The following NELL2 variants were observed in gnomAD, a reference collection of about 807,000 sequenced individuals.
The protein encoded by NELL2 is protein kinase C-binding protein NELL2.
NELL2 carries 41 observed loss-of-function variants against 109.6 expected under a neutral mutation model. The observed-to-expected ratio is 0.37, with a 90% CI of 0.29 to 0.49. The LOEUF (loss-of-function observed/expected upper bound fraction) is 0.49. NELL2 is among the 20% of genes least tolerant of loss of function. NELL2 has a pLI of 0.98. For missense variants in NELL2, 900 were observed against 1,008.3 expected, an observed-to-expected ratio of 0.89 and a Z score of 1.45; for synonymous variants, 355 against 344.7, an observed-to-expected ratio of 1.03 and a Z score of -0.33.
chr12:44,749,647 A>G (rs748861896), intron 9 of NELL2, among the ~76,000 whole-genome samples: 8 of 152,180 alleles, frequency 5.3e-5, no homozygotes, highest in Non-Finnish European at 1.2e-4. Context: ...CCAAGATGCC[A>G]TTATGTGTAG....
Position 44,739,934 on chromosome 12 carries a change from G to A in NELL2, c.995-25193C>T, listed in dbSNP as rs539606009. Among the ~76,000 whole-genome samples the A allele has an allele frequency of 3.7e-4, 56 of 152,182 alleles. 2 individuals carry two copies. In the South Asian group the frequency reaches 0.011, roughly 29 times the overall value. ...AAAAACATGGTTTTATTAGAAGACC[G>A]CATGATCATTCATTTTCATTTTCAT... On this transcript the variant is annotated intron_variant, in intron 9 of 19. Coordinates refer to ENST00000429094, the MANE Select transcript of NELL2 (RefSeq NM_001145108.2).
At chr12:44,625,752 A>C (rs748268613) in intron 13 of NELL2, among the ~76,000 whole-genome samples, 8 of 152,162 alleles carry the variant, frequency 5.3e-5, no homozygotes, top group Non-Finnish European at 1.0e-4. Flanking sequence ...CTCTGTCTCC[A>C]GTCAACTATT....
intron 2 of NELL2, among the ~76,000 whole-genome samples, chr12:44,869,328 T>C (rs889926198): frequency 6.6e-6 from 1 of 152,206 alleles, no homozygotes; most frequent in African/African-American, 2.4e-5. Flanking sequence ...AATTATTGGT[T>C]CCACCCTCTG....
In NELL2 at chr12:44,692,937, C is replaced by A. The variant is rs77531920; in HGVS notation, c.1318+10789G>T. 1.3e-3 allele frequency among the ~76,000 whole-genome samples: 205 copies of A among 152,230 alleles called. 1 individual carries two copies. Among genetic ancestry groups the A allele is most frequent in the Non-Finnish European group, 2.2e-3 (148 of 68,014 alleles). ...GATGCTATGAGCATTGTTGAAATGA[C>A]AACCAAGAATTTAGAATATCACAAA... On this transcript the variant is annotated intron_variant, in intron 12 of 19. Transcript: ENST00000429094.
chr12:44,584,252 C>A (rs1324559857), intron 15 of NELL2, among the ~76,000 whole-genome samples: 1 of 152,228 alleles, frequency 6.6e-6, no homozygotes, highest in African/African-American at 2.4e-5. Flanking sequence ...GAAGTATCTA[C>A]CTTTTTTAAC....
intron 16 of NELL2, 123 bp from the exon 17 acceptor site, chr12:44,523,607 G>C (rs1443450802): frequency 1.4e-5 from 10 of 737,948 alleles, no homozygotes; most frequent in Non-Finnish European, 2.2e-5. Flanking sequence ...CATCTTACTG[G>C]CTTGCATTTG....
At chr12:44,894,849 G>A (rs1178202154) in intron 1 of NELL2, among the ~76,000 whole-genome samples, 3 of 152,150 alleles carry the variant, frequency 2.0e-5, no homozygotes, top group African/African-American at 4.8e-5. Flanking sequence ...AAAGATGTAA[G>A]ATATATACAT....
chr12:44,808,490 A>T (rs939493378), intron 3 of NELL2, among the ~76,000 whole-genome samples: 1 of 152,044 alleles, frequency 6.6e-6, no homozygotes, highest in South Asian at 2.1e-4. Context: ...ATAAATAATG[A>T]TATAGAAACA....
At chr12:44,730,341 C>A (rs772095568) in intron 9 of NELL2, among the ~76,000 whole-genome samples, 9 of 152,100 alleles carry the variant, frequency 5.9e-5, no homozygotes, top group Non-Finnish European at 1.2e-4. Context: ...AATGTAAATT[C>A]TTCTCAAGGA....
At chr12:44,592,486 G>C (rs1033032356) in intron 15 of NELL2, among the ~76,000 whole-genome samples, 1 of 152,156 alleles carries the variant, frequency 6.6e-6, no homozygotes, top group Non-Finnish European at 1.5e-5. Flanking sequence ...AGATTAGATA[G>C]TTAGGTAGAT....
At chr12:44,748,977 G>T (rs755503930) in intron 9 of NELL2, among the ~76,000 whole-genome samples, 1 of 152,144 alleles carries the variant, frequency 6.6e-6, no homozygotes, top group African/African-American at 2.4e-5. Context: ...AAGGCAAAAT[G>T]ACTCTGATAC....
chr12:44,610,357 G>T (rs1195257368), intron 14 of NELL2, among the ~76,000 whole-genome samples: 1 of 151,836 alleles, frequency 6.6e-6, no homozygotes, highest in Non-Finnish European at 1.5e-5. Context: ...GATGATGTAC[G>T]CATGTTTGGG....
chr12:44,514,716 A>G (rs1290056020), intron 19 of NELL2, among the ~76,000 whole-genome samples: 2 of 151,450 alleles, frequency 1.3e-5, no homozygotes, highest in Non-Finnish European at 3.0e-5. Flanking sequence ...ACTATATGTG[A>G]ATAAATATAA....
chr12:44,786,343 T>G (rs1240399644), intron 3 of NELL2, among the ~76,000 whole-genome samples: 3 of 152,156 alleles, frequency 2.0e-5, no homozygotes, highest in African/African-American at 7.2e-5. Flanking sequence ...CTCATGCCAG[T>G]TAGAATGGCG....
chr12:44,590,118 G>A (rs1204048041), intron 15 of NELL2, among the ~76,000 whole-genome samples: 1 of 152,066 alleles, frequency 6.6e-6, no homozygotes, highest in African/African-American at 2.4e-5. Context: ...CTCAGAATCA[G>A]GTGAGAGTGC....
chr12:44,920,080 A>G lies in NELL2; in HGVS notation c.-32+1710T>C, dbSNP rs570028490. Among the ~76,000 whole-genome samples the G allele has an allele frequency of 4.6e-5, 7 of 152,344 alleles. 1 individual carries two copies. Among genetic ancestry groups the G allele is most frequent in the South Asian group, 4.1e-4 (2 of 4,828 alleles). On this transcript the variant is annotated intron_variant, in intron 1 of 9. Coordinates refer to the NELL2 transcript ENST00000552993. Reference sequence around the variant, plus strand: ...AGAGCTTTTCAAAGGAAAGAGGAATAGTCACAGAGAAAAAAAGAATAATTT... The same window carrying G: ...AGAGCTTTTCAAAGGAAAGAGGAATGGTCACAGAGAAAAAAAGAATAATTT...
At chr12:44,898,370 G>A (rs1945619695) in intron 1 of NELL2, among the ~76,000 whole-genome samples, 1 of 152,142 alleles carries the variant, frequency 6.6e-6, no homozygotes, top group Non-Finnish European at 1.5e-5. Context: ...GCTGGCATCT[G>A]GTGAGTGACT....
intron 13 of NELL2, among the ~76,000 whole-genome samples, chr12:44,641,654 G>T (rs1946860281): frequency 6.8e-6 from 1 of 146,542 alleles, no homozygotes; most frequent in Admixed American, 6.8e-5. Flanking sequence ...CTGAGTTTTG[G>T]TATTTAAACT....
At chr12:44,509,160 C>T (rs753857415) in intron 19 of NELL2, among the ~76,000 whole-genome samples, 176 bp from the exon 20 acceptor site, 3 of 152,072 alleles carry the variant, frequency 2.0e-5, no homozygotes, top group Non-Finnish European at 2.9e-5. Context: ...AATTATTATG[C>T]CCATTGTATT....
Sources: allele counts gnomAD v4.1 joint callset (sites outside exome capture counted in the v4.1 genomes callset), GRCh38; gene constraint gnomAD v4.1.1; transcripts MANE v1.5; gene names NCBI Gene and HGNC (gene_info 2026-07-23, HGNC 2026-07-21).